ST8SIA1: variants seen among roughly 807,000 people sequenced by gnomAD.
The protein encoded by ST8SIA1 is alpha-N-acetylneuraminide alpha-2,8-sialyltransferase.
Under a neutral mutation model 35.9 loss-of-function variants are expected in ST8SIA1, and 16 were observed. That is an observed-to-expected ratio of 0.45 (90% CI 0.30 to 0.68). ST8SIA1 has a LOEUF of 0.68. ST8SIA1 is among the 30% of genes least tolerant of loss of function. The probability of loss-of-function intolerance (pLI) is 0.09; values close to 1 mark genes in which losing one functional copy is unlikely to be tolerated. For missense variants in ST8SIA1, 383 were observed against 453.6 expected (o/e 0.84, Z 1.41); for synonymous variants, 170 against 169.6 (o/e 1.00, Z -0.02).
chr12:22,320,660 C>T (rs1180885817), intron 1 of ST8SIA1, among the ~76,000 whole-genome samples: 1 of 151,880 alleles, frequency 6.6e-6, no homozygotes, highest in Non-Finnish European at 1.5e-5. Flanking sequence ...GCCCGGGCAA[C>T]ATAGGGAGAT....
At chr12:22,204,259 C>G (rs189413327) in intron 4 of ST8SIA1, among the ~76,000 whole-genome samples, 7 of 152,064 alleles carry the variant, frequency 4.6e-5, no homozygotes, top group Admixed American at 4.6e-4. Context: ...TCCCCTTCAA[C>G]GCTACTAAGG....
rs1591820747 is a variant in ST8SIA1, at chr12:22,196,464, A to AG, written c.*5087dup. The AG allele has an allele frequency of 1.3e-5, 2 of 152,314 alleles. No homozygotes were observed. The highest frequency in any genetic ancestry group is 3.9e-4 in the East Asian group (2 of 5,182). 9.4% of individuals were successfully genotyped at this position (152,314 alleles called of 1,614,324 possible). On this transcript the variant is annotated 3_prime_UTR_variant, in exon 5 of 5. Transcript: ENST00000396037. Reference sequence around the variant, plus strand: ...ATGGTATCCATTTTCTTATGATAGAAGGGAAAAAAAGCTACAGCAATTATA... The same window carrying AG: ...ATGGTATCCATTTTCTTATGATAGAAGGGGAAAAAAAGCTACAGCAATTATA...
At chr12:22,326,011 G>C in intron 1 of ST8SIA1, 1 of 539,440 alleles carries the variant, frequency 1.9e-6, no homozygotes, top group Non-Finnish European at 3.3e-6. Context: ...TCAAAACAGA[G>C]CACAATTTAA....
chr12:22,290,946 A>T (rs1342336515), intron 1 of ST8SIA1, among the ~76,000 whole-genome samples: 2 of 152,246 alleles, frequency 1.3e-5, no homozygotes, highest in Non-Finnish European at 2.9e-5. Flanking sequence ...CAGATCATTA[A>T]GTTTCAGTTG....
intron 4 of ST8SIA1, among the ~76,000 whole-genome samples, chr12:22,248,427 A>T (rs1369947741): frequency 1.3e-5 from 2 of 149,100 alleles, no homozygotes; most frequent in Non-Finnish European, 3.0e-5. Context: ...CTCCCACAGC[A>T]GCTTCCAAGA....
Position 22,235,892 on chromosome 12 carries a change from C to CCACACA in ST8SIA1, c.584+13108_584+13113dup, listed in dbSNP as rs3831855. On this transcript the variant is annotated intron_variant, in intron 4 of 4. Transcript: ENST00000396037. ...AAATGAATGAAGCACATTCCCTTCA[C>CCACACA]CACACACACACACACACACACACGT... Among the ~76,000 whole-genome samples, 696 of 149,482 alleles carry CCACACA rather than the reference C, an allele frequency of 4.7e-3. 3 individuals carry two copies. Among genetic ancestry groups the CCACACA allele is most frequent in the African/African-American group, 0.014 (562 of 40,694 alleles).
intron 2 of ST8SIA1, among the ~76,000 whole-genome samples, chr12:22,261,928 T>C (rs1373617994): frequency 1.3e-5 from 2 of 152,128 alleles, no homozygotes; most frequent in Admixed American, 6.5e-5. Flanking sequence ...AAAATAGACA[T>C]ATACCCCACT....
intron 1 of ST8SIA1, among the ~76,000 whole-genome samples, chr12:22,319,290 C>A (rs1866554962): frequency 1.3e-5 from 2 of 152,280 alleles, no homozygotes; most frequent in Admixed American, 6.5e-5. Flanking sequence ...GTTAAATTGA[C>A]TGATAAAATC....
chr12:22,333,846 G>A (rs1279479169), intron 1 of ST8SIA1, 151 bp downstream of exon 1: 2 of 821,626 alleles, frequency 2.4e-6, no homozygotes, highest in African/African-American at 1.7e-5. Flanking sequence ...TCCAGGTTGG[G>A]AATGGCACAA....
intron 2 of ST8SIA1, among the ~76,000 whole-genome samples, chr12:22,284,674 A>T (rs551084872): frequency 6.6e-6 from 1 of 152,348 alleles, no homozygotes; most frequent in South Asian, 2.1e-4. Context: ...ATACACAATG[A>T]TGTCATGACT....
At chr12:22,319,347 T>C (rs74068566) in intron 1 of ST8SIA1, among the ~76,000 whole-genome samples, 44 of 152,358 alleles carry the variant, frequency 2.9e-4, no homozygotes, top group African/African-American at 1.0e-3. Flanking sequence ...TGGTACTCAA[T>C]AAATGTTCAT....
At chr12:22,329,380 C>T (rs1280075912) in intron 1 of ST8SIA1, among the ~76,000 whole-genome samples, 1 of 152,130 alleles carries the variant, frequency 6.6e-6, no homozygotes, top group Non-Finnish European at 1.5e-5. Flanking sequence ...GTGCTAAGAA[C>T]TAGGCCTGGT....
In ST8SIA1 at chr12:22,334,263, G is replaced by A; in HGVS notation, c.-31C>T. The A allele has an allele frequency of 1.3e-6, 2 of 1,575,768 alleles. No individual in the cohort carries two copies. Among genetic ancestry groups the A allele is most frequent in the South Asian group, 1.1e-5 (1 of 89,978 alleles). On this transcript the variant is annotated 5_prime_UTR_variant, in exon 1 of 5. Transcript: ENST00000396037. ...CCCCGGCGTCCCAGGGGCGGGGGCC[G>A]GGGCCTCAGCACAAAGCTAGGCGAA... is the stretch of plus-strand genomic sequence containing the variant.
intron 2 of ST8SIA1, among the ~76,000 whole-genome samples, chr12:22,266,638 T>C (rs192173340): frequency 2.0e-3 from 303 of 151,998 alleles, no homozygotes; most frequent in African/African-American, 6.9e-3. Context: ...TAAAAATATA[T>C]ATTTTTTAAT....
At chr12:22,276,999 G>A (rs7962800) in intron 2 of ST8SIA1, among the ~76,000 whole-genome samples, 14,126 of 152,162 alleles carry the variant, frequency 0.093, 811 homozygotes, top group East Asian at 0.15. Context: ...CCAGGGTTCT[G>A]CCCTATCTTA....
At chr12:22,233,722 C>A (rs112819820) in intron 4 of ST8SIA1, among the ~76,000 whole-genome samples, 1 of 152,032 alleles carries the variant, frequency 6.6e-6, no homozygotes, top group African/African-American at 2.4e-5. Context: ...CTGATTGAAG[C>A]AAATCACCTA....
intron 2 of ST8SIA1, 76 bp from the exon 3 acceptor site, chr12:22,255,465 C>A: frequency 7.9e-7 from 1 of 1,260,384 alleles, no homozygotes; most frequent in Non-Finnish European, 1.2e-6. Flanking sequence ...TTACAGCAGA[C>A]CCTTTGGAGG....
At chr12:22,212,431 T>C (rs546960833) in intron 4 of ST8SIA1, among the ~76,000 whole-genome samples, 20 of 152,354 alleles carry the variant, frequency 1.3e-4, no homozygotes, top group African/African-American at 4.8e-4. Flanking sequence ...CCTTTCCTTC[T>C]GTCAATGAAT....
At position 22,334,262 on chromosome 12, in the gene ST8SIA1, C is replaced by T. The variant is rs577923611; in HGVS notation, c.-30G>A. ...GCCCCGGCGTCCCAGGGGCGGGGGC[C>T]GGGGCCTCAGCACAAAGCTAGGCGA... On this transcript the variant is annotated 5_prime_UTR_variant, in exon 1 of 5. Coordinates refer to ENST00000396037, the MANE Select transcript of ST8SIA1 (RefSeq NM_003034.4). The T allele has an allele frequency of 1.0e-5, 16 of 1,582,774 alleles. No homozygotes were observed. Among genetic ancestry groups the T allele is most frequent in the Non-Finnish European group, 1.3e-5 (15 of 1,159,532 alleles).
Sources: allele counts gnomAD v4.1 joint callset (sites outside exome capture counted in the v4.1 genomes callset), GRCh38; gene constraint gnomAD v4.1.1; transcripts MANE v1.5; gene names NCBI Gene and HGNC (gene_info 2026-07-23, HGNC 2026-07-21).